The following PCDHA3 variants were observed in gnomAD, a reference collection of about 807,000 sequenced individuals.
PCDHA3 encodes the protein protocadherin alpha-3.
Under a neutral mutation model 62.2 loss-of-function variants are expected in PCDHA3, and 41 were observed. The ratio of observed to expected loss-of-function variants is 0.66; its 90% CI spans 0.51 to 0.86. The LOEUF (loss-of-function observed/expected upper bound fraction) is 0.86. PCDHA3 is among the 40% of genes least tolerant of loss of function. The pLI, the probability that PCDHA3 is intolerant of heterozygous loss-of-function variation, is 0.00. For missense variants in PCDHA3, 1,304 were observed against 1,241.2 expected (o/e 1.05, Z -0.76); for synonymous variants, 640 against 555.4 (o/e 1.15, Z -2.14).
intron 1 of PCDHA3, chr5:140,966,544 G>C: frequency 2.1e-6 from 1 of 465,718 alleles, no homozygotes; most frequent in Non-Finnish European, 3.7e-6. Flanking sequence ...GCGACTCGGA[G>C]GCGAGCGGAG....
At chr5:140,998,687 C>T (rs922040842) in intron 3 of PCDHA3, among the ~76,000 whole-genome samples, 9 of 152,042 alleles carry the variant, frequency 5.9e-5, no homozygotes, top group Non-Finnish European at 1.5e-5. Flanking sequence ...GCCTCAGCCT[C>T]CCAAGTAGCT....
At chr5:140,993,460 TCTCACA>T (rs782519654) in intron 3 of PCDHA3, among the ~76,000 whole-genome samples, 239 of 104,566 alleles carry the variant, frequency 2.3e-3, no homozygotes, top group Admixed American at 6.0e-3. Context: ...CTTCTTTCTT[TCTCACA>T]CACACACACA....
intron 1 of PCDHA3, among the ~76,000 whole-genome samples, chr5:140,908,585 G>A (rs782742805): frequency 3.9e-5 from 6 of 152,160 alleles, no homozygotes; most frequent in South Asian, 4.1e-4. Flanking sequence ...AGAGTAGTTA[G>A]CTGCAGAAGA....
intron 1 of PCDHA3, among the ~76,000 whole-genome samples, chr5:140,934,143 A>T (rs1335256190): frequency 6.6e-6 from 1 of 152,000 alleles, no homozygotes; most frequent in Non-Finnish European, 1.5e-5. Context: ...TTCCTTCCTT[A>T]TATGTTTATA....
chr5:140,803,866 CAA>C, intron 1 of PCDHA3: 1 of 568,118 alleles, frequency 1.8e-6, no homozygotes, highest in Non-Finnish European at 3.1e-6. Flanking sequence ...GGGTATAAGA[CAA>C]ATATTTTTTC....
chr5:140,830,031 T>G (rs1243555382), intron 1 of PCDHA3: 1 of 1,613,728 alleles, frequency 6.2e-7, no homozygotes, highest in Non-Finnish European at 8.5e-7. Context: ...CGCCACCGGC[T>G]GCTGGTGCTG....
intron 1 of PCDHA3, chr5:140,884,276 G>C: frequency 6.8e-6 from 11 of 1,613,638 alleles, no homozygotes; most frequent in Non-Finnish European, 9.3e-6. Context: ...GTTGTCGCTG[G>C]TGGAGAGCGG....
chr5:140,880,689 T>C lies in PCDHA3; in HGVS notation c.2394+77098T>C, dbSNP rs957358698. 1.2e-4 allele frequency among the ~76,000 whole-genome samples: 18 copies of C among 152,326 alleles called. No homozygotes were observed. In the South Asian group the frequency reaches 3.7e-3, roughly 32 times the overall value. Reference sequence around the variant, plus strand: ...AGAGTAAATTTGAAGAGAATAGTCATGGTTAAGTGACAATGTTGAGCAGCT... The same window carrying C: ...AGAGTAAATTTGAAGAGAATAGTCACGGTTAAGTGACAATGTTGAGCAGCT... On this transcript the variant is annotated intron_variant, in intron 1 of 3. Transcript: ENST00000522353.
chr5:140,801,691 A>AT lies in PCDHA3; in HGVS notation c.496dup (p.Ser166PhefsTer8). 4.3e-6 allele frequency: 7 copies of AT among 1,614,210 alleles called. No individual in the cohort carries two copies. Among genetic ancestry groups the AT allele is most frequent in the African/African-American group, 1.3e-5 (1 of 75,066 alleles). ...GCATCAGATGCAGATATCGGAACAA[A>AT]TTCGTTGTTGACTTACAGTCTTGAT... On this transcript the variant is annotated frameshift_variant, in exon 1 of 4. Transcript: ENST00000522353. LOFTEE classifies it high-confidence loss of function.
chr5:140,883,564 G>C, intron 1 of PCDHA3: 1 of 1,614,174 alleles, frequency 6.2e-7, no homozygotes, highest in Non-Finnish European at 8.5e-7. Context: ...ACGGGGGCTC[G>C]CCTTCGCTGT....
intron 1 of PCDHA3, among the ~76,000 whole-genome samples, chr5:140,896,063 G>A (rs531616608): frequency 1.4e-3 from 217 of 152,130 alleles, no homozygotes; most frequent in African/African-American, 4.7e-3. Flanking sequence ...CGCCTGCCTC[G>A]GCCTCCCAAC....
chr5:141,010,105 G>A lies in PCDHA3; in HGVS notation c.*168G>A. 6.2e-7 allele frequency: 1 copy of A among 1,612,150 alleles called. No homozygotes were observed. Among genetic ancestry groups the A allele is most frequent in the African/African-American group, 1.3e-5 (1 of 74,962 alleles). The stretch of plus-strand genomic sequence containing the variant: ...GTCTAGAACGCATTTAACAGGTTTT[G>A]TCGTAAAAGCTTTACTAAGTCTGGT... On this transcript the variant is annotated 3_prime_UTR_variant, in exon 4 of 4. Transcript: ENST00000522353.
intron 1 of PCDHA3, chr5:140,843,268 C>T (rs1778736907): frequency 1.3e-6 from 2 of 1,595,984 alleles, no homozygotes; most frequent in East Asian, 2.2e-5. Flanking sequence ...GTCTGCTGGT[C>T]CTGGTGAAGG....
chr5:140,836,673 C>G (rs2150267482), intron 1 of PCDHA3: 2 of 1,613,246 alleles, frequency 1.2e-6, no homozygotes, highest in Non-Finnish European at 8.5e-7. Flanking sequence ...TGGGGAGGGC[C>G]CACCCAAGAC....
At chr5:140,883,978 T>G in intron 1 of PCDHA3, 1 of 1,612,780 alleles carries the variant, frequency 6.2e-7, no homozygotes, top group Non-Finnish European at 8.5e-7. Flanking sequence ...CGCCCGGGGC[T>G]GGCAGCGCGG....
At chr5:140,873,823 G>T (rs2054513552) in intron 1 of PCDHA3, among the ~76,000 whole-genome samples, 1 of 152,076 alleles carries the variant, frequency 6.6e-6, no homozygotes, top group Non-Finnish European at 1.5e-5. Context: ...ACCACTCCTG[G>T]CTAATTTTTG....
At chr5:140,909,170 G>A (rs1381735874) in intron 1 of PCDHA3, among the ~76,000 whole-genome samples, 1 of 152,188 alleles carries the variant, frequency 6.6e-6, no homozygotes, top group Non-Finnish European at 1.5e-5. Flanking sequence ...AATCAATCAA[G>A]TTCTCTCCAA....
intron 1 of PCDHA3, chr5:140,808,155 T>G: frequency 1.2e-6 from 2 of 1,614,186 alleles, no homozygotes; most frequent in Non-Finnish European, 1.7e-6. Context: ...GTAGAGGGCA[T>G]TGATAAGGGA....
chr5:140,925,641 TATA>T (rs10569930), intron 1 of PCDHA3, among the ~76,000 whole-genome samples: 13,718 of 143,270 alleles, frequency 0.096, 957 homozygotes, highest in East Asian at 0.35. Context: ...GAACTTAAAG[TATA>T]ATAATAATAA....
Sources: gnomAD v4.1 joint callset for allele counts (sites outside exome capture counted in the v4.1 genomes callset) on GRCh38, gnomAD v4.1.1 for gene constraint, MANE v1.5 for transcripts, NCBI Gene and HGNC (gene_info 2026-07-23, HGNC 2026-07-21) for gene names.